Variants in EDC3 observed in about 807,000 individuals in gnomAD.
The protein encoded by EDC3 is enhancer of mRNA decapping 3, also known as enhancer of mRNA-decapping protein 3.
Under a neutral mutation model 41.8 loss-of-function variants are expected in EDC3, and 20 were observed. The ratio of observed to expected loss-of-function variants is 0.48; its 90% CI spans 0.34 to 0.70. The LOEUF (loss-of-function observed/expected upper bound fraction) is 0.70, where lower values mean the gene tolerates loss of function less well. EDC3 is among the 30% of genes least tolerant of loss of function. The pLI, the probability that EDC3 is intolerant of heterozygous loss-of-function variation, is 0.01. For missense variants in EDC3, 444 were observed against 636.8 expected (o/e 0.70, Z 3.26); for synonymous variants, 206 against 243.2 (o/e 0.85, Z 1.42).
In EDC3 at chr15:74,683,411, T is replaced by G. The variant is rs568037725; in HGVS notation, c.-18-8269A>C. Among the ~76,000 whole-genome samples, 68 of 152,264 alleles carry G rather than the reference T, an allele frequency of 4.5e-4. No homozygotes were observed. The South Asian group carries it at 0.014, about 32-fold the overall frequency. On this transcript the variant is annotated intron_variant, in intron 1 of 6. Transcript: ENST00000315127. Reference sequence around the variant, plus strand: ...TTAGCCCGGCGTGGTGGCAAGCGCCTATAGTCCCAGCTACTCGGGAGGCTG... The same window carrying G: ...TTAGCCCGGCGTGGTGGCAAGCGCCGATAGTCCCAGCTACTCGGGAGGCTG...
intron 3 of EDC3, among the ~76,000 whole-genome samples, chr15:74,667,091 C>T (rs1351600396): frequency 6.6e-6 from 1 of 151,842 alleles, no homozygotes; most frequent in African/African-American, 2.4e-5. Context: ...TACATGTATA[C>T]TGGAATTGAA....
intron 4 of EDC3, 148 bp from the exon 5 acceptor site, chr15:74,640,767 G>A: frequency 4.7e-6 from 4 of 847,886 alleles, no homozygotes; most frequent in South Asian, 3.3e-5. Flanking sequence ...ACTAAGGCAC[G>A]CTCTGCAGCT....
Position 74,695,391 on chromosome 15 carries a change from A to C in EDC3, c.-19+489T>G, listed in dbSNP as rs2063053453. On this transcript the variant is annotated intron_variant, in intron 1 of 6. Transcript: ENST00000315127. ...TTGCATCAAAGGCAGAAATGAATCC[A>C]GGGATAACTTCCTGGGATTCGAAGA... 4 of 152,356 alleles carry C rather than the reference A, an allele frequency of 2.6e-5. No individual in the cohort carries two copies. In the South Asian group the frequency reaches 8.3e-4, roughly 32 times the overall value. The allele number at this position is 152,356 out of a possible 1,614,324, so 9.4% of individuals were successfully genotyped here.
At chr15:74,633,089 C>T in intron 6 of EDC3, 143 bp from the exon 7 acceptor site, 1 of 924,128 alleles carries the variant, frequency 1.1e-6, no homozygotes, top group Non-Finnish European at 1.6e-6. Context: ...CTTCTTAAAG[C>T]TGGGCCAGGG....
intron 4 of EDC3, chr15:74,641,683 C>T (rs1035266066): frequency 4.6e-5 from 7 of 152,832 alleles, no homozygotes; most frequent in African/African-American, 1.7e-4. Flanking sequence ...CACTGTGGGA[C>T]TGCACGTCAC....
chr15:74,691,406 A>T (rs746702741), intron 1 of EDC3, among the ~76,000 whole-genome samples: 25 of 152,242 alleles, frequency 1.6e-4, no homozygotes, highest in Non-Finnish European at 3.2e-4. Context: ...AACATAAAAA[A>T]TTTTAGTTCA....
chr15:74,682,748 C>T (rs1420746846), intron 1 of EDC3, among the ~76,000 whole-genome samples: 1 of 152,098 alleles, frequency 6.6e-6, no homozygotes, highest in Non-Finnish European at 1.5e-5. Flanking sequence ...GTGGGCTGGG[C>T]GCAGTGGCTC....
intron 4 of EDC3, among the ~76,000 whole-genome samples, chr15:74,646,125 T>G (rs1476174723): frequency 6.9e-6 from 1 of 144,600 alleles, no homozygotes; most frequent in Non-Finnish European, 1.5e-5. Flanking sequence ...CAGGCTGGAG[T>G]GCAATGGTAT....
chr15:74,632,392 C>G lies in EDC3; in HGVS notation c.*220G>C. ...CTGAGGGTAGAGATGCCTGGAGTTG[C>G]TGCACGCTCAGCCTGCCACCCAGCC... On this transcript the variant is annotated 3_prime_UTR_variant, in exon 7 of 7. Coordinates refer to ENST00000315127, the MANE Select transcript of EDC3 (RefSeq NM_025083.5). This position sits in a 1 kb window ranked among gnomAD's most constrained non-coding sequence, Gnocchi z 4.0. The G allele has an allele frequency of 1.7e-6, 1 of 599,526 alleles. No homozygotes were observed. The highest frequency in any genetic ancestry group is 3.0e-5 in the Admixed American group (1 of 33,260). 37.1% of individuals were successfully genotyped at this position (599,526 alleles called of 1,614,324 possible). A position where few individuals can be genotyped will look rare whatever the true frequency, so the allele number is the denominator to read the frequency against.
At chr15:74,683,641 GA>G (rs1482638390) in intron 1 of EDC3, among the ~76,000 whole-genome samples, 7 of 152,056 alleles carry the variant, frequency 4.6e-5, no homozygotes, top group Non-Finnish European at 1.0e-4. Flanking sequence ...ACCAACAGGG[GA>G]AACTGGGTAG....
intron 3 of EDC3, among the ~76,000 whole-genome samples, chr15:74,669,923 A>G (rs1052255821): frequency 3.3e-5 from 5 of 151,910 alleles, no homozygotes; most frequent in African/African-American, 4.8e-5. Flanking sequence ...GGCTAATCAC[A>G]ACCTCCGCCT....
intron 5 of EDC3, chr15:74,636,677 T>C (rs1187339009): frequency 6.6e-6 from 1 of 152,246 alleles, no homozygotes; most frequent in Non-Finnish European, 1.5e-5. Flanking sequence ...TGACAAGATG[T>C]TGTCAAGCTA....
intron 4 of EDC3, chr15:74,644,440 T>C (rs2062389324): frequency 6.6e-6 from 1 of 152,016 alleles, no homozygotes; most frequent in Non-Finnish European, 1.5e-5. Context: ...CTGACTCCAC[T>C]CTTAAGTGGT....
intron 1 of EDC3, among the ~76,000 whole-genome samples, chr15:74,687,715 ATGATGG>A (rs996799526): frequency 6.6e-6 from 1 of 152,182 alleles, no homozygotes; most frequent in Non-Finnish European, 1.5e-5. Context: ...AACAATAATG[ATGATGG>A]TAAAAAAGCA....
chr15:74,675,880 C>CAA (rs57596845), intron 1 of EDC3, among the ~76,000 whole-genome samples: 3 of 116,606 alleles, frequency 2.6e-5, no homozygotes, highest in Non-Finnish European at 5.9e-5. Context: ...GACTCTGCCT[C>CAA]AAAAAAAAAA....
In EDC3 at chr15:74,631,090, C is replaced by T. The variant is rs550899964; in HGVS notation, c.*1522G>A. Reference sequence around the variant, plus strand: ...GTTACAGTCCCTGGCCTCTTCCCATCGCTGGAGACAATTTAAGACTGAAGG... The same window carrying T: ...GTTACAGTCCCTGGCCTCTTCCCATTGCTGGAGACAATTTAAGACTGAAGG... On this transcript the variant is annotated 3_prime_UTR_variant, in exon 7 of 7. Coordinates refer to ENST00000315127, the MANE Select transcript of EDC3 (RefSeq NM_025083.5). The T allele has an allele frequency of 2.0e-5, 3 of 152,278 alleles. No homozygotes were observed. The highest frequency in any genetic ancestry group is 2.9e-5 in the Non-Finnish European group (2 of 68,086). 9.4% of individuals were successfully genotyped at this position (152,278 alleles called of 1,614,324 possible). A position where few individuals can be genotyped will look rare whatever the true frequency, so the allele number is the denominator to read the frequency against.
chr15:74,681,916 T>C (rs941063302), intron 1 of EDC3, among the ~76,000 whole-genome samples: 2 of 152,080 alleles, frequency 1.3e-5, no homozygotes, highest in Non-Finnish European at 2.9e-5. Context: ...TTCTTGAAAA[T>C]TAAAATTTTT....
At chr15:74,689,161 G>C (rs1354958296) in intron 1 of EDC3, among the ~76,000 whole-genome samples, 3 of 152,186 alleles carry the variant, frequency 2.0e-5, no homozygotes, top group African/African-American at 7.2e-5. Context: ...AGGAAGTCAT[G>C]TTATATTTAT....
At chr15:74,683,965 A>G (rs1319266997) in intron 1 of EDC3, among the ~76,000 whole-genome samples, 1 of 151,784 alleles carries the variant, frequency 6.6e-6, no homozygotes, top group African/African-American at 2.4e-5. Context: ...CTGAGGCAAG[A>G]AGATCACAGA....
Sources: gnomAD v4.1 joint callset for allele counts (sites outside exome capture counted in the v4.1 genomes callset) on GRCh38, gnomAD v4.1.1 for gene constraint, Gnocchi (gnomAD v3.1) non-coding constraint, MANE v1.5 for transcripts, NCBI Gene and HGNC (gene_info 2026-07-23, HGNC 2026-07-21) for gene names.